Variants in FER observed in about 807,000 individuals in gnomAD.
The protein encoded by FER is FER tyrosine kinase, also known as tyrosine-protein kinase Fer.
Under a neutral mutation model 111.0 loss-of-function variants are expected in FER, and 63 were observed. The ratio of observed to expected loss-of-function variants is 0.57; its 90% CI spans 0.46 to 0.70. FER has a LOEUF of 0.70. Ranked by LOEUF, FER falls within the 30% of genes least tolerant of loss-of-function variation. FER has a pLI of 0.00. For missense variants in FER, 914 were observed against 954.0 expected (o/e 0.96, Z 0.55); for synonymous variants, 327 against 313.9 (o/e 1.04, Z -0.44).
chr5:109,109,393 C>A (rs541323691), intron 17 of FER, among the ~76,000 whole-genome samples: 2 of 152,182 alleles, frequency 1.3e-5, no homozygotes, highest in African/African-American at 4.8e-5. Flanking sequence ...TTATCTCCCC[C>A]AACTCCCCCT....
rs140210280 is a variant in FER at position 109,167,773 on chromosome 5, G to T, written c.2049-12974G>T. On this transcript the variant is annotated intron_variant, in intron 17 of 19. Coordinates refer to ENST00000281092, the MANE Select transcript of FER (RefSeq NM_005246.4). ...AGTGTAACCTTACCCTATCTGAATG[G>T]GAGTGGTCTGAGGGGGAGGTACTTG... Among the ~76,000 whole-genome samples, 288 of 152,252 alleles carry T rather than the reference G, an allele frequency of 1.9e-3. 2 individuals carry two copies. Among genetic ancestry groups the T allele is most frequent in the Non-Finnish European group, 2.8e-3 (189 of 68,026 alleles).
intron 2 of FER, 71 bp from the exon 3 acceptor site, chr5:108,798,053 A>G (rs553754439): frequency 8.6e-6 from 5 of 578,946 alleles, no homozygotes; most frequent in Non-Finnish European, 8.7e-6. Flanking sequence ...AGAATCTATC[A>G]TAACTTTTTT....
chr5:108,954,314 A>G (rs1325986649), intron 11 of FER, among the ~76,000 whole-genome samples: 1 of 152,134 alleles, frequency 6.6e-6, no homozygotes. Context: ...CTCTGTGATC[A>G]AGAGTTAATT....
chr5:108,896,514 A>G (rs1026476964), intron 9 of FER, among the ~76,000 whole-genome samples: 4 of 152,152 alleles, frequency 2.6e-5, no homozygotes, highest in African/African-American at 9.7e-5. Context: ...GGTCTCTCAC[A>G]AATGTTCTTA....
At chr5:108,858,441 T>A (rs974705982) in intron 5 of FER, among the ~76,000 whole-genome samples, 10 of 152,196 alleles carry the variant, frequency 6.6e-5, no homozygotes, top group African/African-American at 2.2e-4. Flanking sequence ...GTTACTTAGT[T>A]TTTTACAAAG....
chr5:108,906,461 A>G (rs1318651743), intron 10 of FER, among the ~76,000 whole-genome samples: 1 of 152,198 alleles, frequency 6.6e-6, no homozygotes, highest in Non-Finnish European at 1.5e-5. Flanking sequence ...CATTTTTTAA[A>G]AAACTGTCAT....
intron 3 of FER, among the ~76,000 whole-genome samples, chr5:108,813,838 A>G (rs1428521581): frequency 6.6e-6 from 1 of 152,098 alleles, no homozygotes; most frequent in Non-Finnish European, 1.5e-5. Flanking sequence ...TTAAATTTAA[A>G]TTATGCCTGT....
chr5:108,913,097 G>A (rs1176407709), intron 10 of FER, among the ~76,000 whole-genome samples: 5 of 152,112 alleles, frequency 3.3e-5, no homozygotes, highest in African/African-American at 1.2e-4. Flanking sequence ...TGTCTGAGAG[G>A]TAGATGAGAG....
chr5:108,852,701 G>T (rs907849353), intron 5 of FER, among the ~76,000 whole-genome samples: 1 of 152,070 alleles, frequency 6.6e-6, no homozygotes, highest in Non-Finnish European at 1.5e-5. Context: ...TTTGGATTTA[G>T]TGATTAATAT....
intron 17 of FER, among the ~76,000 whole-genome samples, chr5:109,106,702 A>G (rs10071028): frequency 0.054 from 8,165 of 152,248 alleles, 261 homozygotes; most frequent in South Asian, 0.086. Context: ...CCTTTATAAA[A>G]ATTTTTTATC....
chr5:109,094,749 G>A (rs1747272449), intron 16 of FER, among the ~76,000 whole-genome samples: 1 of 152,158 alleles, frequency 6.6e-6, no homozygotes, highest in Non-Finnish European at 1.5e-5. Context: ...TGGGCTCAAG[G>A]CCATGGTTTG....
Position 109,016,757 on chromosome 5 carries a change from GT to G in FER, c.1657-20659del, listed in dbSNP as rs557960260. On this transcript the variant is annotated intron_variant, in intron 13 of 19. Transcript: ENST00000281092. ...ACATATTTTCCACATTATTATTATA[GT>G]TTTTTATTATGTGCTATGCACAGAA... 6.8e-3 allele frequency among the ~76,000 whole-genome samples: 1,033 copies of G among 152,088 alleles called. 8 individuals are homozygous for G. The highest frequency in any genetic ancestry group is 0.024 in the African/African-American group (1,007 of 41,526).
intron 17 of FER, among the ~76,000 whole-genome samples, chr5:109,125,167 G>A (rs1751553228): frequency 6.6e-6 from 1 of 151,608 alleles, no homozygotes; most frequent in Admixed American, 6.6e-5. Context: ...AATACCCCAT[G>A]AATTAAATAT....
At chr5:108,826,280 T>C (rs923529194) in intron 3 of FER, among the ~76,000 whole-genome samples, 1 of 152,236 alleles carries the variant, frequency 6.6e-6, no homozygotes. Flanking sequence ...CAGGGATAAA[T>C]CCCACTTGCC....
Position 109,002,754 on chromosome 5 carries a change from A to T in FER, c.1657-34668A>T, listed in dbSNP as rs1024749177. Among the ~76,000 whole-genome samples the T allele has an allele frequency of 2.0e-5, 3 of 152,198 alleles. No individual in the cohort carries two copies. The East Asian group carries it at 5.8e-4, about 29-fold the overall frequency. ...AAAGGGCTAATATCCAGAATCTACA[A>T]TGAACTCAAATTTACAAGAAAAAAA... On this transcript the variant is annotated intron_variant, in intron 13 of 19. Coordinates refer to ENST00000281092, the MANE Select transcript of FER (RefSeq NM_005246.4).
intron 1 of FER, among the ~76,000 whole-genome samples, chr5:108,760,290 A>G (rs1751585491): frequency 1.3e-5 from 2 of 152,054 alleles, no homozygotes; most frequent in South Asian, 4.1e-4. Context: ...GAGTAGATTT[A>G]GTATCATTCT....
At chr5:108,822,767 A>T (rs13163303) in intron 3 of FER, among the ~76,000 whole-genome samples, 4 of 98,298 alleles carry the variant, frequency 4.1e-5, no homozygotes, top group Non-Finnish European at 9.3e-5. Context: ...TATTTTATTT[A>T]TTTTATTTTA....
At chr5:108,998,711 T>A (rs921578870) in intron 13 of FER, among the ~76,000 whole-genome samples, 1 of 151,094 alleles carries the variant, frequency 6.6e-6, no homozygotes, top group African/African-American at 2.4e-5. Context: ...TCTGTTGAGA[T>A]AAACATGTGG....
chr5:108,937,522 T>TA (rs1476012547), intron 10 of FER, among the ~76,000 whole-genome samples: 1 of 151,908 alleles, frequency 6.6e-6, no homozygotes, highest in Non-Finnish European at 1.5e-5. Flanking sequence ...AGGGAGAAAG[T>TA]ACAGAGTGAG....
Sources: gnomAD v4.1 joint callset for allele counts (sites outside exome capture counted in the v4.1 genomes callset) on GRCh38, gnomAD v4.1.1 for gene constraint, MANE v1.5 for transcripts, NCBI Gene and HGNC (gene_info 2026-07-23, HGNC 2026-07-21) for gene names.